The following ST6GALNAC3 variants were observed in gnomAD, a reference collection of about 807,000 sequenced individuals.
ST6GALNAC3 encodes the protein ST6 N-acetylgalactosaminide alpha-2,6-sialyltransferase 3.
ST6GALNAC3 carries 25 observed loss-of-function variants against 32.7 expected under a neutral mutation model. That is an observed-to-expected ratio of 0.76 (90% CI 0.56 to 1.07). The LOEUF (loss-of-function observed/expected upper bound fraction) is 1.07, where lower values mean the gene tolerates loss of function less well. ST6GALNAC3 is among the 50% of genes least tolerant of loss of function. The probability of loss-of-function intolerance (pLI) is 0.00; values close to 1 mark genes in which losing one functional copy is unlikely to be tolerated. For missense variants in ST6GALNAC3, 355 were observed against 382.4 expected (o/e 0.93, Z 0.60); for synonymous variants, 129 against 133.1 (o/e 0.97, Z 0.21).
intron 3 of ST6GALNAC3, among the ~76,000 whole-genome samples, chr1:76,519,150 G>A (rs1339408241): frequency 6.6e-6 from 1 of 151,980 alleles, no homozygotes. Flanking sequence ...ATCTCACAGT[G>A]TCATCTTTTT....
chr1:76,119,678 A>G (rs571664679), intron 1 of ST6GALNAC3, among the ~76,000 whole-genome samples: 1 of 152,362 alleles, frequency 6.6e-6, no homozygotes, highest in African/African-American at 2.4e-5. Context: ...TTAAAAAGTT[A>G]GGTGAAACTT....
intron 3 of ST6GALNAC3, among the ~76,000 whole-genome samples, chr1:76,415,496 A>G (rs1391942902): frequency 2.0e-5 from 3 of 151,860 alleles, no homozygotes; most frequent in African/African-American, 7.3e-5. Flanking sequence ...TAATATTTAC[A>G]TATTGACTTA....
At chr1:76,457,319 C>A (rs942975361) in intron 3 of ST6GALNAC3, among the ~76,000 whole-genome samples, 12 of 152,146 alleles carry the variant, frequency 7.9e-5, no homozygotes, top group African/African-American at 2.9e-4. Context: ...CATCAAGCTA[C>A]CAATGACTTT....
At chr1:76,411,616 C>T (rs1217115797) in intron 2 of ST6GALNAC3, among the ~76,000 whole-genome samples, 1 of 152,036 alleles carries the variant, frequency 6.6e-6, no homozygotes. Context: ...GGATATGTTT[C>T]TTTTGCATTT....
At chr1:76,320,328 G>A (rs1488345614) in intron 2 of ST6GALNAC3, among the ~76,000 whole-genome samples, 2 of 152,152 alleles carry the variant, frequency 1.3e-5, no homozygotes, top group Non-Finnish European at 2.9e-5. Context: ...CTCACACTTG[G>A]TGGATCCATT....
chr1:76,223,514 G>A (rs1655897977), intron 1 of ST6GALNAC3, among the ~76,000 whole-genome samples: 2 of 152,034 alleles, frequency 1.3e-5, no homozygotes, highest in Non-Finnish European at 2.9e-5. Flanking sequence ...GTGACACACA[G>A]TTTACCTATA....
chr1:76,083,019 T>C (rs1032632997), intron 1 of ST6GALNAC3, among the ~76,000 whole-genome samples: 7 of 152,250 alleles, frequency 4.6e-5, no homozygotes, highest in African/African-American at 7.2e-5. Flanking sequence ...GACTTCTCTC[T>C]GATTTCAAAG....
intron 3 of ST6GALNAC3, among the ~76,000 whole-genome samples, chr1:76,534,726 G>T (rs866461268): frequency 1.3e-5 from 2 of 152,258 alleles, no homozygotes; most frequent in South Asian, 4.2e-4. Context: ...CTCCATGAAG[G>T]TAGGTATTTT....
intron 2 of ST6GALNAC3, among the ~76,000 whole-genome samples, chr1:76,353,389 C>T (rs1649161253): frequency 6.6e-6 from 1 of 152,174 alleles, no homozygotes; most frequent in South Asian, 2.1e-4. Flanking sequence ...TCCTTTCTAC[C>T]AATGATTATT....
At chr1:76,407,046 C>T (rs781737441) in intron 2 of ST6GALNAC3, among the ~76,000 whole-genome samples, 30 of 152,024 alleles carry the variant, frequency 2.0e-4, no homozygotes, top group South Asian at 8.3e-4. Context: ...TCCTCTCTCT[C>T]TCACCTTCTA....
chr1:76,127,033 C>T (rs958441319), intron 1 of ST6GALNAC3, among the ~76,000 whole-genome samples: 9 of 152,158 alleles, frequency 5.9e-5, no homozygotes, highest in African/African-American at 1.2e-4. Context: ...AAAGTTGCTC[C>T]GTGTTGCAGT....
At position 76,332,610 on chromosome 1, in the gene ST6GALNAC3, G is replaced by T. The variant is rs895334523; in HGVS notation, c.213+18611G>T. On this transcript the variant is annotated intron_variant, in intron 2 of 4. Coordinates refer to ENST00000328299, the MANE Select transcript of ST6GALNAC3 (RefSeq NM_152996.4). Reference sequence around the variant, plus strand: ...AGGTCTAATGGCATCCCCTGAGGTAGTAGGTAGATAAGCTGGTCATCAGGT... The same window carrying T: ...AGGTCTAATGGCATCCCCTGAGGTATTAGGTAGATAAGCTGGTCATCAGGT... Among the ~76,000 whole-genome samples, 6 of 152,256 alleles carry T rather than the reference G, an allele frequency of 3.9e-5. No homozygotes were observed. The South Asian group carries it at 6.2e-4, about 16-fold the overall frequency.
intron 1 of ST6GALNAC3, among the ~76,000 whole-genome samples, chr1:76,303,791 C>T (rs1660871623): frequency 6.6e-6 from 1 of 152,036 alleles, no homozygotes; most frequent in Admixed American, 6.6e-5. Flanking sequence ...AGCAGGTTTA[C>T]TAGTTTATCA....
chr1:76,173,924 G>A (rs1412136998), intron 1 of ST6GALNAC3, among the ~76,000 whole-genome samples: 1 of 152,170 alleles, frequency 6.6e-6, no homozygotes, highest in African/African-American at 2.4e-5. Context: ...GGAAGACAGT[G>A]TGGTGATTCC....
At chr1:76,235,318 C>A (rs1260355243) in intron 1 of ST6GALNAC3, among the ~76,000 whole-genome samples, 1 of 151,978 alleles carries the variant, frequency 6.6e-6, no homozygotes, top group African/African-American at 2.4e-5. Flanking sequence ...CTAGCCTGGG[C>A]AGTATGGTGA....
At position 76,151,133 on chromosome 1, in the gene ST6GALNAC3, CG is replaced by C. The variant is rs550764526; in HGVS notation, c.18+76253del. ...TGAAATAGTGGCCCCTTGGTTCTCA[CG>C]GGGAAGAGGGGAGATGTGTTCAGGC... is the stretch of plus-strand genomic sequence containing the variant. On this transcript the variant is annotated intron_variant, in intron 1 of 4. Coordinates refer to ENST00000328299, the MANE Select transcript of ST6GALNAC3 (RefSeq NM_152996.4). Among the ~76,000 whole-genome samples the C allele has an allele frequency of 1.4e-4, 22 of 152,178 alleles. No individual in the cohort carries two copies. In the East Asian group the frequency reaches 4.3e-3, roughly 29 times the overall value.
rs1410887673 is a variant in ST6GALNAC3 at position 76,488,298 on chromosome 1, G to GC, written c.623+75882dup. On this transcript the variant is annotated intron_variant, in intron 3 of 4. Transcript: ENST00000328299. ...CCCCCACTCTCTCTCATTTGCTCCTGCTTTTGTCATGTGATGTGCCGGCTA... is the reference window on the plus strand; with the variant it reads ...CCCCCACTCTCTCTCATTTGCTCCTGCCTTTTGTCATGTGATGTGCCGGCTA... Among the ~76,000 whole-genome samples the GC allele has an allele frequency of 2.6e-5, 4 of 151,888 alleles. No homozygotes were observed. In the East Asian group the frequency reaches 7.9e-4, roughly 30 times the overall value.
chr1:76,135,206 A>G (rs1649866348), intron 1 of ST6GALNAC3, among the ~76,000 whole-genome samples: 1 of 152,162 alleles, frequency 6.6e-6, no homozygotes, highest in South Asian at 2.1e-4. Context: ...ACTTGCTAAT[A>G]TGCCCTCCAT....
intron 3 of ST6GALNAC3, among the ~76,000 whole-genome samples, chr1:76,539,710 C>A (rs1663866509): frequency 1.3e-5 from 2 of 151,422 alleles, no homozygotes; most frequent in South Asian, 4.2e-4. Flanking sequence ...TATGAACAGA[C>A]ACTTCTCAAA....
Sources: gnomAD v4.1 joint callset for allele counts (sites outside exome capture counted in the v4.1 genomes callset) on GRCh38, gnomAD v4.1.1 for gene constraint, MANE v1.5 for transcripts, NCBI Gene and HGNC (gene_info 2026-07-23, HGNC 2026-07-21) for gene names.